Variants in TTC39B observed in about 807,000 individuals in gnomAD.
TTC39B encodes the protein tetratricopeptide repeat protein 39B.
A neutral mutation model predicts 96.6 loss-of-function variants in TTC39B; 92 were observed. That is an observed-to-expected ratio of 0.95 (90% CI 0.80 to 1.13). TTC39B has a LOEUF of 1.13. Ranked by LOEUF, TTC39B falls within the 50% of genes most tolerant of loss-of-function variation. The pLI is 0.00. For synonymous variants in TTC39B, 367 were observed against 299.4 expected (o/e 1.23, Z -2.33); for missense variants, 955 against 809.3 (o/e 1.18, Z -2.18).
At chr9:15,294,953 G>C (rs890693399) in intron 1 of TTC39B, among the ~76,000 whole-genome samples, 2 of 152,180 alleles carry the variant, frequency 1.3e-5, no homozygotes, top group Non-Finnish European at 2.9e-5. Flanking sequence ...ACTTATCCCA[G>C]GTTATACATG....
At position 15,205,728 on chromosome 9, in the gene TTC39B, C is replaced by T. The variant is rs576909927; in HGVS notation, c.692-1838G>A. 3.9e-5 allele frequency among the ~76,000 whole-genome samples: 6 copies of T among 151,966 alleles called. 1 individual carries two copies. The South Asian group carries it at 1.2e-3, about 32-fold the overall frequency. ...AGGTAATTCTGTAACAGAGTGAGAA[C>T]CAGGAATTATGAGCTATGAAAGTCT... On this transcript the variant is annotated intron_variant, in intron 6 of 19. Coordinates refer to ENST00000512701, the Ensembl canonical transcript of TTC39B.
chr9:15,274,161 T>C (rs1412990649), intron 1 of TTC39B, among the ~76,000 whole-genome samples: 1 of 152,238 alleles, frequency 6.6e-6, no homozygotes, highest in Non-Finnish European at 1.5e-5. Flanking sequence ...GTACTGATTT[T>C]TCTAAGTCAG....
intron 1 of TTC39B, among the ~76,000 whole-genome samples, chr9:15,278,130 C>T (rs1195988938): frequency 6.6e-6 from 1 of 152,116 alleles, no homozygotes; most frequent in Non-Finnish European, 1.5e-5. Context: ...GAAAAATGTT[C>T]CTTTTCTGCA....
chr9:15,177,736 G>T, exon 18 of TTC39B: 1 of 1,613,144 alleles, frequency 6.2e-7, no homozygotes, highest in Non-Finnish European at 8.5e-7. Flanking sequence ...AGCTTGCAAG[G>T]GCCGCTGTAA....
In TTC39B at chr9:15,275,049, T is replaced by C. The variant is rs904056373; in HGVS notation, c.241-7101A>G. Among the ~76,000 whole-genome samples, 9 of 152,060 alleles carry C rather than the reference T, an allele frequency of 5.9e-5. 1 individual carries two copies. In the South Asian group the frequency reaches 1.0e-3, roughly 18 times the overall value. On this transcript the variant is annotated intron_variant, in intron 1 of 19. Transcript: ENST00000512701. ...TAATCCCACGTAAATTCTGTTTTTTTTTTTTTCCTGAGATGGAGTTTCACT... is the reference window on the plus strand; with the variant it reads ...TAATCCCACGTAAATTCTGTTTTTTCTTTTTTCCTGAGATGGAGTTTCACT...
chr9:15,213,786 T>G (rs1028293659), intron 4 of TTC39B, among the ~76,000 whole-genome samples: 1 of 152,214 alleles, frequency 6.6e-6, no homozygotes. Flanking sequence ...ATTCTGGTTT[T>G]TCCCCTCCCC....
At chr9:15,293,642 T>C (rs1422412229) in intron 1 of TTC39B, among the ~76,000 whole-genome samples, 5 of 152,228 alleles carry the variant, frequency 3.3e-5, no homozygotes, top group African/African-American at 9.6e-5. Context: ...GTGATTTCTA[T>C]GCACACTAAA....
intron 16 of TTC39B, among the ~76,000 whole-genome samples, chr9:15,185,050 G>C (rs1200857298): frequency 6.6e-6 from 1 of 152,164 alleles, no homozygotes; most frequent in Non-Finnish European, 1.5e-5. Context: ...AGAATAAAAT[G>C]ATACGTTTTT....
At chr9:15,283,448 A>G (rs638485) in intron 1 of TTC39B, among the ~76,000 whole-genome samples, 103,665 of 152,120 alleles carry the variant, frequency 0.68, 36,291 homozygotes, top group East Asian at 0.91. Context: ...AAACAGGTGC[A>G]ATTATCATTC....
chr9:15,223,463 T>A (rs1212194414), intron 3 of TTC39B, among the ~76,000 whole-genome samples: 1 of 152,234 alleles, frequency 6.6e-6, no homozygotes, highest in African/African-American at 2.4e-5. Context: ...TCTCCTTGGC[T>A]GCCTCACAAC....
intron 11 of TTC39B, 88 bp downstream of exon 11, chr9:15,190,466 C>T: frequency 8.5e-6 from 10 of 1,178,904 alleles, no homozygotes; most frequent in Non-Finnish European, 1.2e-5. Context: ...CCACCTCAGC[C>T]TCCCAAGTAG....
intron 2 of TTC39B, among the ~76,000 whole-genome samples, chr9:15,251,347 G>T (rs1388575152): frequency 6.6e-6 from 1 of 152,042 alleles, no homozygotes; most frequent in Non-Finnish European, 1.5e-5. Flanking sequence ...TGGATCACCT[G>T]AGGTTGGGAA....
intron 2 of TTC39B, among the ~76,000 whole-genome samples, chr9:15,245,391 T>C (rs959634868): frequency 6.6e-6 from 1 of 152,208 alleles, no homozygotes; most frequent in Admixed American, 6.5e-5. Context: ...GAGTTTTTCT[T>C]TAGTTCTTCA....
intron 14 of TTC39B, 102 bp from the exon 15 acceptor site, chr9:15,187,137 G>C (rs779753264): frequency 2.5e-6 from 2 of 803,386 alleles, no homozygotes; most frequent in African/African-American, 3.5e-5. Flanking sequence ...TATAAAATTA[G>C]AGGCATTAAA....
At chr9:15,193,035 C>T (rs1018473225) in intron 8 of TTC39B, among the ~76,000 whole-genome samples, 9 of 152,196 alleles carry the variant, frequency 5.9e-5, no homozygotes, top group African/African-American at 2.2e-4. Flanking sequence ...CCTGCAAGCG[C>T]TCAGCTCCTC....
chr9:15,283,418 G>C (rs1055498900), intron 1 of TTC39B, among the ~76,000 whole-genome samples: 1 of 152,200 alleles, frequency 6.6e-6, no homozygotes, highest in South Asian at 2.1e-4. Context: ...ATTGTCTCAT[G>C]TAAACTTGAC....
At chr9:15,196,923 C>T (rs1383469962) in intron 8 of TTC39B, among the ~76,000 whole-genome samples, 1 of 152,232 alleles carries the variant, frequency 6.6e-6, no homozygotes, top group Admixed American at 6.5e-5. Flanking sequence ...CAACCTTCAG[C>T]AACCACCACC....
chr9:15,185,588 G>T, intron 15 of TTC39B, 182 bp from the exon 16 acceptor site: 2 of 828,792 alleles, frequency 2.4e-6, no homozygotes, highest in Non-Finnish European at 3.6e-6. Context: ...CAACTCCAGG[G>T]CCGGGGCCGA....
At chr9:15,233,384 C>G (rs1281372778) in intron 2 of TTC39B, among the ~76,000 whole-genome samples, 1 of 152,148 alleles carries the variant, frequency 6.6e-6, no homozygotes, top group Non-Finnish European at 1.5e-5. Flanking sequence ...CCTCTCTTTC[C>G]ACGGTCTCCC....
Sources: gnomAD v4.1 joint callset for allele counts (sites outside exome capture counted in the v4.1 genomes callset) on GRCh38, gnomAD v4.1.1 for gene constraint, MANE v1.5 for transcripts, NCBI Gene and HGNC (gene_info 2026-07-23, HGNC 2026-07-21) for gene names.